The following GSR variants were observed in gnomAD, a reference collection of about 807,000 sequenced individuals.
GSR encodes the protein glutathione reductase, mitochondrial.
A neutral mutation model predicts 56.5 loss-of-function variants in GSR; 48 were observed. The ratio of observed to expected loss-of-function variants is 0.85; its 90% confidence interval spans 0.67 to 1.08. GSR has a LOEUF of 1.08. Ranked by LOEUF, GSR falls within the 50% of genes least tolerant of loss-of-function variation. GSR has a pLI of 0.00. For synonymous variants in GSR, 264 were observed against 270.8 expected (o/e 0.97, Z 0.25); for missense variants, 694 against 703.3 (o/e 0.99, Z 0.15).
intron 9 of GSR, among the ~76,000 whole-genome samples, chr8:30,687,251 T>A (rs1345023526): frequency 6.6e-6 from 1 of 152,088 alleles, no homozygotes; most frequent in Non-Finnish European, 1.5e-5. Context: ...TGCAGAAAAA[T>A]GACCTTTTAC....
At position 30,727,518 on chromosome 8, in the gene GSR, G is replaced by A; in HGVS notation, c.306+12C>T. The A allele has an allele frequency of 6.5e-7, 1 of 1,536,266 alleles. No homozygotes were observed. Among genetic ancestry groups the A allele is most frequent in the Non-Finnish European group, 8.7e-7 (1 of 1,144,246 alleles). ...GAGGCGCCCCCCGCCCGAACAAACC[G>A]GCGGTACTCACGCAAGTGCCACCCA... On this transcript the variant is annotated intron_variant, in intron 1 of 12. Coordinates refer to ENST00000221130, the MANE Select transcript of GSR (RefSeq NM_000637.5).
rs746033916 is a variant in GSR at position 30,689,148 on chromosome 8, C to T, written c.1041+13G>A. The T allele has an allele frequency of 1.2e-6, 2 of 1,613,390 alleles. No homozygotes were observed. The highest frequency in any genetic ancestry group is 2.7e-5 in the African/African-American group (2 of 74,868). On this transcript the variant is annotated intron_variant, in intron 9 of 12. Transcript: ENST00000221130. Reference sequence around the variant, plus strand: ...AGATTCACAAATGTTTCGGGCAGACCAAGCCAGCTTACCAGTTTGTTTAAA... The same window carrying T: ...AGATTCACAAATGTTTCGGGCAGACTAAGCCAGCTTACCAGTTTGTTTAAA...
At chr8:30,688,349 T>C (rs2551721) in intron 9 of GSR, among the ~76,000 whole-genome samples, 1 of 151,582 alleles carries the variant, frequency 6.6e-6, no homozygotes, top group Admixed American at 6.6e-5. Flanking sequence ...GAGGCCGAGG[T>C]GGAAGGATCA....
In GSR at chr8:30,681,992, T is replaced by A; in HGVS notation, c.1223A>T (p.Tyr408Phe). Residue 408 changes from tyrosine to phenylalanine, a missense_variant, in exon 11 of 13, where the codon TAT (tyrosine) becomes TTT (phenylalanine). By Grantham distance (22) the Tyr-to-Phe change is conservative (BLOSUM62 3). Transcript: ENST00000221130. ...GAAGACCACAGTTGGGATGTTGTTA[T>A]AATCTAATTTGGAATCTTCCTTATA... ...FEYKEDSKLD[Y>F]NNIPTVVFSH... 6.2e-7 allele frequency: 1 copy of A among 1,613,356 alleles called. No homozygotes were observed. Among genetic ancestry groups the A allele is most frequent in the Non-Finnish European group, 8.5e-7 (1 of 1,179,246 alleles).
intron 9 of GSR, among the ~76,000 whole-genome samples, chr8:30,685,985 CAAAA>C (rs71206274): frequency 3.0e-4 from 11 of 37,236 alleles, no homozygotes; most frequent in African/African-American, 1.2e-3. Flanking sequence ...GACTCTGCCT[CAAAA>C]AAAAAAAAAA....
intron 1 of GSR, among the ~76,000 whole-genome samples, chr8:30,721,698 T>C (rs1804542325): frequency 6.6e-6 from 1 of 151,770 alleles, no homozygotes; most frequent in African/African-American, 2.4e-5. Flanking sequence ...TTCCATATCA[T>C]TCCTTTAGTT....
chr8:30,724,472 C>T (rs894308633), intron 1 of GSR, among the ~76,000 whole-genome samples: 2 of 150,666 alleles, frequency 1.3e-5, no homozygotes, highest in Non-Finnish European at 2.9e-5. Context: ...CAACATATCC[C>T]GTTTTGATGC....
At chr8:30,696,959 A>G (rs968069207) in intron 6 of GSR, among the ~76,000 whole-genome samples, 4 of 152,100 alleles carry the variant, frequency 2.6e-5, no homozygotes, top group African/African-American at 9.7e-5. Flanking sequence ...TTGGCCTCCC[A>G]AAGTGCCGGC....
At chr8:30,690,158 A>AGATT (rs1554570692) in intron 8 of GSR, among the ~76,000 whole-genome samples, 1 of 138,754 alleles carries the variant, frequency 7.2e-6, no homozygotes, top group Non-Finnish European at 1.5e-5. Context: ...ATAAAATAAT[A>AGATT]TATTTATTTA....
chr8:30,694,919 T>C (rs1484239998), intron 7 of GSR, among the ~76,000 whole-genome samples: 2 of 99,912 alleles, frequency 2.0e-5, no homozygotes, highest in Non-Finnish European at 4.5e-5. Flanking sequence ...AAAAAAAAAA[T>C]TAGTCAGGGC....
intron 1 of GSR, among the ~76,000 whole-genome samples, chr8:30,721,247 G>C (rs1225816417): frequency 5.3e-5 from 8 of 152,130 alleles, no homozygotes; most frequent in Admixed American, 5.2e-4. Context: ...AAGGACCTAG[G>C]ACCTCCACAT....
chr8:30,703,179 T>C lies in GSR; in HGVS notation c.554A>G (p.Glu185Gly), dbSNP rs945856881. ...AFTSDPKPTI[E>G]VSGKKYTAPH... ...GGCGGTGTACTTTTTCCCACTGACC[T>C]CTATTGTGGGCTTGGGATCACTCGT... Residue 185 changes from glutamate to glycine, a missense_variant, in exon 5 of 13, where the codon GAG (glutamate) becomes GGG (glycine). Transcript: ENST00000221130. 3 of 1,613,670 alleles carry C rather than the reference T, an allele frequency of 1.9e-6. No individual in the cohort carries two copies. In the African/African-American group the frequency reaches 4.0e-5, roughly 22 times the overall value.
chr8:30,697,863 A>ATT (rs8190988), intron 6 of GSR, among the ~76,000 whole-genome samples: 1 of 151,528 alleles, frequency 6.6e-6, no homozygotes, highest in Non-Finnish European at 1.5e-5. Context: ...TAATTTTTGT[A>ATT]TTTTTTTTGC....
At chr8:30,689,109 A>C in intron 9 of GSR, 52 bp downstream of exon 9, 2 of 1,561,868 alleles carry the variant, frequency 1.3e-6, no homozygotes, top group South Asian at 2.2e-5. Context: ...AAATAAAACC[A>C]TAAGACTCCT....
At chr8:30,683,377 G>C (rs909352) in intron 10 of GSR, among the ~76,000 whole-genome samples, 1 of 152,170 alleles carries the variant, frequency 6.6e-6, no homozygotes, top group Non-Finnish European at 1.5e-5. Context: ...ACTGAAAGTA[G>C]ATCAAGTGAT....
At chr8:30,727,393 A>C in intron 1 of GSR, 137 bp downstream of exon 1, 3 of 845,428 alleles carry the variant, frequency 3.5e-6, no homozygotes, top group Non-Finnish European at 5.4e-6. Flanking sequence ...CTGGCTTCGG[A>C]ATGGGGAGTT....
At chr8:30,687,771 CATT>C (rs1803212630) in intron 9 of GSR, 2 of 152,290 alleles carry the variant, frequency 1.3e-5, no homozygotes, top group South Asian at 4.1e-4. Flanking sequence ...AAATCATCAT[CATT>C]ATCAATAGCA....
chr8:30,719,162 A>G (rs1804444069), intron 1 of GSR, among the ~76,000 whole-genome samples: 1 of 141,226 alleles, frequency 7.1e-6, no homozygotes, highest in South Asian at 2.2e-4. Flanking sequence ...GCTGAAGTGC[A>G]GTGGTGCGAT....
At chr8:30,706,718 T>G (rs1803933269) in intron 4 of GSR, among the ~76,000 whole-genome samples, 1 of 152,190 alleles carries the variant, frequency 6.6e-6, no homozygotes, top group Non-Finnish European at 1.5e-5. Context: ...TAGTGAAGGA[T>G]GACATACAGT....
Sources: gnomAD v4.1 joint callset for allele counts (sites outside exome capture counted in the v4.1 genomes callset) on GRCh38, gnomAD v4.1.1 for gene constraint, MANE v1.5 for transcripts, NCBI Gene and HGNC (gene_info 2026-07-23, HGNC 2026-07-21) for gene names.